SOCS7: variants seen among roughly 807,000 people sequenced by gnomAD.
SOCS7 encodes suppressor of cytokine signaling 7.
In SOCS7, 18 loss-of-function variants were observed where a neutral mutation model predicts 58.9. The observed-to-expected ratio is 0.31, with a 90% CI of 0.21 to 0.45. The LOEUF (loss-of-function observed/expected upper bound fraction) is 0.45, where lower values mean the gene tolerates loss of function less well. Ranked by LOEUF, SOCS7 falls within the 20% of genes least tolerant of loss-of-function variation. The pLI, the probability that SOCS7 is intolerant of heterozygous loss-of-function variation, is 1.00. For synonymous variants in SOCS7, 388 were observed against 364.3 expected (o/e 1.06, Z -0.74); for missense variants, 667 against 837.3 (o/e 0.80, Z 2.51).
At chr17:38,376,588 C>A (rs886312266) in intron 6 of SOCS7, among the ~76,000 whole-genome samples, 2 of 151,966 alleles carry the variant, frequency 1.3e-5, no homozygotes, top group Non-Finnish European at 2.9e-5. Flanking sequence ...AAAAATTAGC[C>A]AGGCGTGGTG....
Position 38,352,503 on chromosome 17 carries a change from C to G in SOCS7, c.451C>G (p.Pro151Ala). 1 of 1,542,074 alleles carries G rather than the reference C, an allele frequency of 6.5e-7. No individual in the cohort carries two copies. The highest frequency in any genetic ancestry group is 8.7e-7 in the Non-Finnish European group (1 of 1,143,082). ...GGGCCPCPCP[P>A]QPPPPQPQPP... ...GGGTTGCTGCCCGTGTCCGTGTCCTCCTCAGCCGCCCCCTCCGCAGCCCCA... is the reference window on the plus strand; with the variant it reads ...GGGTTGCTGCCCGTGTCCGTGTCCTGCTCAGCCGCCCCCTCCGCAGCCCCA... The change falls in exon 1 of 10, where the codon CCT (proline) becomes GCT (alanine). Residue 151 changes from proline to alanine, a missense_variant. Pro to Ala is a conservative substitution (Grantham distance 27). Transcript: ENST00000612932. The surrounding 1 kb of genome is among the most constrained non-coding windows in gnomAD (Gnocchi z 5.5).
rs760587194 is a variant in SOCS7, at chr17:38,352,840, G to C, written c.788G>C (p.Arg263Pro). Residue 263 changes from arginine to proline, a missense_variant, in exon 1 of 10, where the codon CGG (arginine) becomes CCG (proline). Coordinates refer to ENST00000612932, the MANE Select transcript of SOCS7 (RefSeq NM_014598.4). This position sits in a 1 kb window ranked among gnomAD's most constrained non-coding sequence, Gnocchi z 5.5. ...CCCCCGCCTCCTCCCGGGCCCCTCCGGCCACTCGCGGGTCCTTCTCGGAAG... is the reference window on the plus strand; with the variant it reads ...CCCCCGCCTCCTCCCGGGCCCCTCCCGCCACTCGCGGGTCCTTCTCGGAAG... ...PPPPPPPGPL[R>P]PLAGPSRKGS... 6 of 1,573,682 alleles carry C rather than the reference G, an allele frequency of 3.8e-6. No individual in the cohort carries two copies. In the Admixed American group the frequency reaches 7.3e-5, roughly 19 times the overall value.
intron 7 of SOCS7, among the ~76,000 whole-genome samples, chr17:38,389,368 C>A (rs745444315): frequency 5.9e-5 from 9 of 152,006 alleles, no homozygotes; most frequent in African/African-American, 9.7e-5. Flanking sequence ...CCTGCCTGGG[C>A]AATACAGGGA....
At position 38,387,377 on chromosome 17, in the gene SOCS7, G is replaced by A. The variant is rs975309980; in HGVS notation, c.1682-7932G>A. 1.5e-3 allele frequency among the ~76,000 whole-genome samples: 214 copies of A among 145,994 alleles called. 1 individual carries two copies. The highest frequency in any genetic ancestry group is 5.0e-3 in the African/African-American group (196 of 39,470). On this transcript the variant is annotated intron_variant, in intron 7 of 9. Transcript: ENST00000612932. ...CAGGAGAATCACTTGAACCTGGGAAGTGGAGATTACAGTGAGCCGAGATCA... is the reference window on the plus strand; with the variant it reads ...CAGGAGAATCACTTGAACCTGGGAAATGGAGATTACAGTGAGCCGAGATCA...
intron 6 of SOCS7, among the ~76,000 whole-genome samples, chr17:38,376,926 A>C (rs898856056): frequency 2.0e-5 from 3 of 152,222 alleles, no homozygotes; most frequent in Admixed American, 6.5e-5. Flanking sequence ...GTTTAGGTAC[A>C]TGAATACTTA....
Position 38,395,455 on chromosome 17 carries a change from G to C in SOCS7, c.1817+11G>C, listed in dbSNP as rs750169490. On this transcript the variant is annotated intron_variant, in intron 8 of 9. Coordinates refer to ENST00000612932, the MANE Select transcript of SOCS7 (RefSeq NM_014598.4). ...TCTCCCACTGCCTAAGTACAATGGG[G>C]TTGTCAGGTTTGGGACAGGAATGAG... The C allele has an allele frequency of 6.2e-7, 1 of 1,611,716 alleles. No homozygotes were observed. Among genetic ancestry groups the C allele is most frequent in the East Asian group, 2.2e-5 (1 of 44,806 alleles).
At position 38,358,654 on chromosome 17, in the gene SOCS7, C is replaced by G. The variant is rs587611354; in HGVS notation, c.981-3057C>G. ...CTGCCATTAGAATGCTCTCAGGATC[C>G]TTGAGACAGATACTGCTTTGGGTTT... On this transcript the variant is annotated intron_variant, in intron 1 of 9. Transcript: ENST00000612932. Among the ~76,000 whole-genome samples the G allele has an allele frequency of 1.8e-4, 28 of 151,790 alleles. 1 individual carries two copies. Among genetic ancestry groups the G allele is most frequent in the African/African-American group, 6.8e-4 (28 of 41,356 alleles).
At chr17:38,387,671 A>G (rs2038097385) in intron 7 of SOCS7, among the ~76,000 whole-genome samples, 1 of 133,338 alleles carries the variant, frequency 7.5e-6, no homozygotes, top group South Asian at 2.2e-4. Context: ...ATATTATACT[A>G]TATATTTTAT....
intron 2 of SOCS7, among the ~76,000 whole-genome samples, chr17:38,362,864 A>G (rs1555567767): frequency 2.0e-5 from 3 of 152,192 alleles, no homozygotes; most frequent in African/African-American, 7.2e-5. Context: ...TAATCCCAGC[A>G]CTTTGGGAGG....
At chr17:38,394,871 G>A (rs1038016724) in intron 7 of SOCS7, among the ~76,000 whole-genome samples, 6 of 152,170 alleles carry the variant, frequency 3.9e-5, no homozygotes, top group African/African-American at 1.4e-4. Context: ...GCAACATGGG[G>A]AAACCCCGTC....
intron 6 of SOCS7, among the ~76,000 whole-genome samples, chr17:38,370,364 G>A (rs529792388): frequency 2.0e-5 from 3 of 152,058 alleles, no homozygotes; most frequent in Admixed American, 6.6e-5. Context: ...TTTTGAGACG[G>A]GGTCTCACCC....
rs1298359388 is a variant in SOCS7 at position 38,401,141 on chromosome 17, C to T, written c.*1659C>T. 1 of 152,172 alleles carries T rather than the reference C, an allele frequency of 6.6e-6. No homozygotes were observed. The highest frequency in any genetic ancestry group is 1.9e-4 in the East Asian group (1 of 5,198). 9.4% of individuals were successfully genotyped at this position (152,172 alleles called of 1,614,324 possible). A position where few individuals can be genotyped will look rare whatever the true frequency, so the allele number is the denominator to read the frequency against. On this transcript the variant is annotated 3_prime_UTR_variant, in exon 10 of 10. Coordinates refer to ENST00000612932, the MANE Select transcript of SOCS7 (RefSeq NM_014598.4). ...CCACGTGGAGTGACCAGTCTTCCTC[C>T]TTGTAGCTGAACAGGGAGGAAACTT... is the stretch of plus-strand genomic sequence containing the variant.
chr17:38,389,871 A>ATATATATATGTGTATGTGTG (rs2038137302), intron 7 of SOCS7, among the ~76,000 whole-genome samples: 1,481 of 115,006 alleles, frequency 0.013, 231 homozygotes, highest in Non-Finnish European at 0.018. Flanking sequence ...GTGTGTACAT[A>ATATATATATGTGTATGTGTG]TATATATATA....
chr17:38,375,746 T>G (rs2037922786), intron 6 of SOCS7: 1 of 152,178 alleles, frequency 6.6e-6, no homozygotes, highest in Admixed American at 6.5e-5. Context: ...GTATGTAAAT[T>G]GGTCATTCCT....
intron 7 of SOCS7, among the ~76,000 whole-genome samples, chr17:38,387,586 GTA>G (rs1284064200): frequency 3.7e-4 from 33 of 89,338 alleles, no homozygotes; most frequent in African/African-American, 2.0e-3. Context: ...ACAATATATT[GTA>G]TATATTATAT....
chr17:38,357,245 T>C (rs939602433), intron 1 of SOCS7, among the ~76,000 whole-genome samples: 3 of 152,222 alleles, frequency 2.0e-5, no homozygotes, highest in South Asian at 2.1e-4. Context: ...AGGGATCTTT[T>C]TGAGTAATAG....
chr17:38,355,596 C>G (rs1454129792), intron 1 of SOCS7, among the ~76,000 whole-genome samples: 2 of 152,172 alleles, frequency 1.3e-5, no homozygotes, highest in Non-Finnish European at 2.9e-5. Context: ...TGAGAAATTT[C>G]AGTCTTTTGC....
chr17:38,351,881 C>G lies in SOCS7; in HGVS notation c.-172C>G, dbSNP rs999791082. 6.8e-6 allele frequency among the ~76,000 whole-genome samples: 1 copy of G among 147,046 alleles called. No individual in the cohort carries two copies. Among genetic ancestry groups the G allele is most frequent in the Non-Finnish European group, 1.5e-5 (1 of 67,332 alleles). ...GTGCTCGGCGGTGGCGGAGCGCGGC[C>G]TGGGCTCGCGCTGGGCTCCGCGCGC... is the stretch of plus-strand genomic sequence containing the variant. On this transcript the variant is annotated 5_prime_UTR_variant, in exon 1 of 10. Coordinates refer to ENST00000612932, the MANE Select transcript of SOCS7 (RefSeq NM_014598.4).
At chr17:38,374,664 G>A (rs952196245) in intron 6 of SOCS7, among the ~76,000 whole-genome samples, 9 of 152,160 alleles carry the variant, frequency 5.9e-5, no homozygotes, top group Middle Eastern at 6.8e-3. Flanking sequence ...GAAGGGTGAA[G>A]GATTTCAAGA....
Sources: allele counts gnomAD v4.1 joint callset (sites outside exome capture counted in the v4.1 genomes callset), GRCh38; gene constraint gnomAD v4.1.1; non-coding constraint Gnocchi (gnomAD v3.1); transcripts MANE v1.5; gene names NCBI Gene and HGNC (gene_info 2026-07-23, HGNC 2026-07-21).